Variants in OCIAD1 observed in about 807,000 individuals in gnomAD.
OCIAD1 encodes the protein OCIA domain-containing protein 1.
A neutral mutation model predicts 38.9 loss-of-function variants in OCIAD1; 29 were observed. The observed-to-expected ratio is 0.74, with a 90% CI of 0.55 to 1.02. OCIAD1 has a LOEUF of 1.02. Ranked by LOEUF, OCIAD1 falls within the 50% of genes least tolerant of loss-of-function variation. OCIAD1 has a pLI of 0.00. For synonymous variants in OCIAD1, 110 were observed against 92.0 expected (o/e 1.20, Z -1.12); for missense variants, 288 against 289.6 (o/e 0.99, Z 0.04).
chr4:48,805,589 G>T (rs1455562132), intron 1 of OCIAD1, among the ~76,000 whole-genome samples: 1 of 151,890 alleles, frequency 6.6e-6, no homozygotes, highest in African/African-American at 2.4e-5. Context: ...CAGCTACTCA[G>T]GGGAGGATCA....
intron 1 of OCIAD1, among the ~76,000 whole-genome samples, chr4:48,814,593 T>A (rs1316600456): frequency 6.6e-6 from 1 of 152,192 alleles, no homozygotes; most frequent in Non-Finnish European, 1.5e-5. Flanking sequence ...AATAAACTTT[T>A]TGTTTTAAAT....
chr4:48,826,356 G>T (rs1241550409), upstream of OCIAD1, among the ~76,000 whole-genome samples: 3 of 152,076 alleles, frequency 2.0e-5, no homozygotes, highest in East Asian at 1.9e-4. Flanking sequence ...CCCTGTGTCC[G>T]AGTGTTCTCA....
At chr4:48,817,494 G>T (rs112208251) in intron 1 of OCIAD1, among the ~76,000 whole-genome samples, 1 of 152,140 alleles carries the variant, frequency 6.6e-6, no homozygotes, top group Non-Finnish European at 1.5e-5. Flanking sequence ...GCACAAAACT[G>T]GGGGGCTGTT....
At chr4:48,815,187 C>A (rs1347704078) in intron 1 of OCIAD1, among the ~76,000 whole-genome samples, 2 of 152,140 alleles carry the variant, frequency 1.3e-5, no homozygotes, top group Admixed American at 6.6e-5. Flanking sequence ...GTGGTGTGCA[C>A]CTGTAATCCC....
intron 1 of OCIAD1, among the ~76,000 whole-genome samples, chr4:48,809,390 G>C (rs1427297685): frequency 2.0e-5 from 3 of 152,004 alleles, no homozygotes; most frequent in Admixed American, 6.6e-5. Context: ...TGGGAGCGGT[G>C]GTGGGCGCCA....
At chr4:48,860,689 G>T (rs770073091) in intron 8 of OCIAD1, 36 bp from the exon 9 acceptor site, 3 of 1,440,962 alleles carry the variant, frequency 2.1e-6, no homozygotes, top group Non-Finnish European at 2.9e-6. Context: ...ACTTATTATT[G>T]CTTGGAATCA....
At chr4:48,827,912 C>G (rs1777266032), upstream of OCIAD1, among the ~76,000 whole-genome samples, 2 of 152,202 alleles carry the variant, frequency 1.3e-5, no homozygotes, top group South Asian at 4.1e-4. Flanking sequence ...CCAATCAGCA[C>G]TCTGTGTCTA....
intron 3 of OCIAD1, among the ~76,000 whole-genome samples, chr4:48,838,681 A>G (rs1428819197): frequency 1.3e-5 from 2 of 152,232 alleles, no homozygotes; most frequent in African/African-American, 4.8e-5. Context: ...GGAGAGTATC[A>G]CCTTGGATTA....
intron 1 of OCIAD1, among the ~76,000 whole-genome samples, chr4:48,812,313 A>AAAAAAAAAAAAAAAAAAAAAAC (rs1777097680): frequency 6.8e-6 from 1 of 146,352 alleles, no homozygotes; most frequent in Non-Finnish European, 1.5e-5. Context: ...AAAAAAAAAA[A>AAAAAAAAAAAAAAAAAAAAAAC]AAAGAAAAGA....
At chr4:48,834,352 A>G (rs1000423242) in intron 3 of OCIAD1, among the ~76,000 whole-genome samples, 12 of 152,172 alleles carry the variant, frequency 7.9e-5, no homozygotes, top group Non-Finnish European at 2.9e-5. Context: ...TTCTATTTCT[A>G]GTAGAAGCGG....
chr4:48,847,832 G>C (rs1779102264), intron 4 of OCIAD1, among the ~76,000 whole-genome samples: 1 of 152,178 alleles, frequency 6.6e-6, no homozygotes, highest in South Asian at 2.1e-4. Context: ...ATTCTTCAGT[G>C]TTGCCTTGGC....
chr4:48,838,817 C>G (rs1933006076), intron 3 of OCIAD1, among the ~76,000 whole-genome samples: 1 of 152,096 alleles, frequency 6.6e-6, no homozygotes, highest in African/African-American at 2.4e-5. Flanking sequence ...ATCTAGGGAC[C>G]ATTCTCTTTC....
chr4:48,850,127 A>G (rs865809990), intron 6 of OCIAD1, 45 bp downstream of exon 6: 2 of 1,588,544 alleles, frequency 1.3e-6, no homozygotes, highest in Non-Finnish European at 1.7e-6. Context: ...AATTTTTAAG[A>G]AACAACTAGA....
intron 1 of OCIAD1, among the ~76,000 whole-genome samples, chr4:48,819,098 G>A (rs1281151540): frequency 1.3e-5 from 2 of 152,010 alleles, no homozygotes; most frequent in African/African-American, 4.8e-5. Context: ...TCCTCAAGAA[G>A]AGAAACCCCG....
intron 1 of OCIAD1, among the ~76,000 whole-genome samples, chr4:48,820,313 A>C (rs1777182513): frequency 6.6e-6 from 1 of 152,238 alleles, no homozygotes; most frequent in Admixed American, 6.5e-5. Flanking sequence ...TGGGTAAATA[A>C]CAAAATTAAG....
chr4:48,833,373 A>C, intron 2 of OCIAD1, 28 bp from the exon 3 acceptor site: 1 of 1,326,922 alleles, frequency 7.5e-7, no homozygotes, highest in Non-Finnish European at 1.1e-6. Flanking sequence ...GGATAATTTA[A>C]TGTTTTCTGA....
At chr4:48,824,135 T>C (rs889492572) in intron 1 of OCIAD1, among the ~76,000 whole-genome samples, 1 of 151,992 alleles carries the variant, frequency 6.6e-6, no homozygotes, top group Non-Finnish European at 1.5e-5. Flanking sequence ...AGCACCATCA[T>C]GCCCAGCTAA....
chr4:48,859,534 A>T (rs1780415017), intron 8 of OCIAD1, among the ~76,000 whole-genome samples: 1 of 152,210 alleles, frequency 6.6e-6, no homozygotes, highest in Non-Finnish European at 1.5e-5. Flanking sequence ...GAAATTTGGT[A>T]GACCTTTAAC....
At chr4:48,822,729 G>C (rs1409464585) in intron 1 of OCIAD1, among the ~76,000 whole-genome samples, 3 of 152,112 alleles carry the variant, frequency 2.0e-5, no homozygotes, top group Non-Finnish European at 4.4e-5. Context: ...AGTGGGCAAA[G>C]GATACGAACA....
Sources: allele counts gnomAD v4.1 joint callset (sites outside exome capture counted in the v4.1 genomes callset), GRCh38; gene constraint gnomAD v4.1.1; transcripts MANE v1.5; gene names NCBI Gene and HGNC (gene_info 2026-07-23, HGNC 2026-07-21).